The following CUL1 variants were observed in gnomAD, a reference collection of about 807,000 sequenced individuals.
CUL1 encodes cullin-1.
A neutral mutation model predicts 118.0 loss-of-function variants in CUL1; 24 were observed. The observed-to-expected ratio is 0.20, with a 90% CI of 0.15 to 0.29. The LOEUF is 0.29. Among genes scored for constraint, CUL1 ranks in the 10% least tolerant of loss-of-function variants. CUL1 has a pLI of 1.00. For missense variants in CUL1, 361 were observed against 933.8 expected, an observed-to-expected ratio of 0.39 and a Z score of 7.99; for synonymous variants, 332 against 340.4, an observed-to-expected ratio of 0.98 and a Z score of 0.27.
chr7:148,725,309 C>A (rs1466813788), intron 1 of CUL1, among the ~76,000 whole-genome samples: 2 of 152,104 alleles, frequency 1.3e-5, no homozygotes, highest in African/African-American at 4.8e-5. Context: ...TTGGAGCAGG[C>A]TGGTAGATAC....
intron 7 of CUL1, among the ~76,000 whole-genome samples, chr7:148,764,674 A>G (rs1264851257): frequency 6.6e-6 from 1 of 152,240 alleles, no homozygotes; most frequent in Non-Finnish European, 1.5e-5. Flanking sequence ...CATGTTCTAT[A>G]TTCCACCAGC....
intron 9 of CUL1, among the ~76,000 whole-genome samples, chr7:148,779,355 C>G (rs1413080147): frequency 6.6e-6 from 1 of 152,156 alleles, no homozygotes; most frequent in African/African-American, 2.4e-5. Flanking sequence ...AAGGAATTGG[C>G]AGGTGTGATT....
At chr7:148,717,711 T>C (rs1321398454) in intron 1 of CUL1, among the ~76,000 whole-genome samples, 1 of 152,214 alleles carries the variant, frequency 6.6e-6, no homozygotes, top group Non-Finnish European at 1.5e-5. Context: ...ATCAGTTTTC[T>C]GCCTCATGCT....
intron 1 of CUL1, among the ~76,000 whole-genome samples, chr7:148,722,695 C>T (rs918261598): frequency 6.6e-6 from 1 of 152,236 alleles, no homozygotes; most frequent in Admixed American, 6.5e-5. Context: ...CCTTCCTCTC[C>T]ACTCCTGAAA....
chr7:148,714,639 A>G (rs1031164380), intron 1 of CUL1, among the ~76,000 whole-genome samples: 1 of 152,318 alleles, frequency 6.6e-6, no homozygotes, highest in Non-Finnish European at 1.5e-5. Flanking sequence ...CTCTGTAGTG[A>G]TAGGTGTGGT....
At chr7:148,751,551 A>AAAAAAAAC (rs1563159023) in intron 2 of CUL1, among the ~76,000 whole-genome samples, 1 of 148,944 alleles carries the variant, frequency 6.7e-6, no homozygotes. Flanking sequence ...AAAAAAAAAA[A>AAAAAAAAC]AAACCTCTCT....
Position 148,800,240 on chromosome 7 carries a change from C to T in CUL1, c.2251-262C>T, listed in dbSNP as rs1047147769. ...AAGGGAGACTGGCCCACGGGGCTCCCGAAGCACCTGACTCCAGTTCCTAGG... is the reference window on the plus strand; with the variant it reads ...AAGGGAGACTGGCCCACGGGGCTCCTGAAGCACCTGACTCCAGTTCCTAGG... On this transcript the variant is annotated intron_variant, in intron 21 of 21. Transcript: ENST00000325222. The surrounding 1 kb of genome is among the most constrained non-coding windows in gnomAD (Gnocchi z 4.6). Among the ~76,000 whole-genome samples, 3 of 152,158 alleles carry T rather than the reference C, an allele frequency of 2.0e-5. No individual in the cohort carries two copies. Among genetic ancestry groups the T allele is most frequent in the Admixed American group, 6.6e-5 (1 of 15,266 alleles).
intron 1 of CUL1, among the ~76,000 whole-genome samples, chr7:148,699,296 A>G (rs985805004): frequency 6.6e-6 from 1 of 151,094 alleles, no homozygotes; most frequent in Admixed American, 6.6e-5. Context: ...GGCCTGGACT[A>G]CGCACTGGGA....
intron 1 of CUL1, among the ~76,000 whole-genome samples, chr7:148,700,036 T>G (rs1797671561): frequency 6.6e-6 from 1 of 152,194 alleles, no homozygotes. Context: ...TCCCCAAAGT[T>G]AGGGTTTTCT....
chr7:148,766,525 G>T (rs1800012933), intron 7 of CUL1, 36 bp from the exon 8 acceptor site: 1 of 1,545,326 alleles, frequency 6.5e-7, no homozygotes, highest in African/African-American at 1.4e-5. Flanking sequence ...CTTTACCAAT[G>T]AATCAAAACC....
At chr7:148,699,298 G>A (rs1797632368) in intron 1 of CUL1, among the ~76,000 whole-genome samples, 1 of 151,694 alleles carries the variant, frequency 6.6e-6, no homozygotes, top group African/African-American at 2.4e-5. Flanking sequence ...CCTGGACTAC[G>A]CACTGGGAAA....
At chr7:148,783,183 G>A (rs1238620672) in intron 9 of CUL1, 2 of 244,606 alleles carry the variant, frequency 8.2e-6, no homozygotes, top group Non-Finnish European at 1.3e-5. Flanking sequence ...CAGCCTTCCC[G>A]TTGCATTTCC....
At chr7:148,749,690 G>A (rs1015379836) in intron 2 of CUL1, among the ~76,000 whole-genome samples, 1 of 152,142 alleles carries the variant, frequency 6.6e-6, no homozygotes, top group Admixed American at 6.6e-5. Flanking sequence ...GTTGAGGCCA[G>A]TTGATAACCC....
chr7:148,716,522 T>C (rs961539503), intron 1 of CUL1, among the ~76,000 whole-genome samples: 11 of 152,210 alleles, frequency 7.2e-5, no homozygotes, highest in Non-Finnish European at 1.0e-4. Flanking sequence ...AATCCGCCCA[T>C]GGACCCCACT....
intron 2 of CUL1, among the ~76,000 whole-genome samples, chr7:148,735,162 CAT>C (rs1187445999): frequency 6.6e-6 from 1 of 152,212 alleles, no homozygotes; most frequent in Non-Finnish European, 1.5e-5. Context: ...TAAGTCATAA[CAT>C]AAGCACATTC....
intron 14 of CUL1, among the ~76,000 whole-genome samples, 160 bp downstream of exon 14, chr7:148,788,834 A>C (rs1800908198): frequency 2.0e-5 from 3 of 151,714 alleles, no homozygotes; most frequent in African/African-American, 7.3e-5. Flanking sequence ...TCCTCCCCCG[A>C]CTCCCGTGTG....
chr7:148,788,728 A>G (rs1800903067), intron 14 of CUL1, 54 bp downstream of exon 14: 6 of 1,141,950 alleles, frequency 5.3e-6, no homozygotes, highest in Non-Finnish European at 6.5e-6. Context: ...CTCTGTAGCA[A>G]ATGAAGAAAT....
intron 1 of CUL1, among the ~76,000 whole-genome samples, chr7:148,712,966 A>C (rs1798097428): frequency 6.6e-6 from 1 of 152,216 alleles, no homozygotes; most frequent in Non-Finnish European, 1.5e-5. Flanking sequence ...GGAAAAAAAA[A>C]TGCACTGAGT....
chr7:148,699,918 T>C (rs1005577160), intron 1 of CUL1, among the ~76,000 whole-genome samples: 4 of 151,818 alleles, frequency 2.6e-5, no homozygotes, highest in Non-Finnish European at 5.9e-5. Flanking sequence ...TCGCTTTTTT[T>C]TCCCTTAAGA....
Sources: gnomAD v4.1 joint callset for allele counts (sites outside exome capture counted in the v4.1 genomes callset) on GRCh38, gnomAD v4.1.1 for gene constraint, Gnocchi (gnomAD v3.1) non-coding constraint, MANE v1.5 for transcripts, NCBI Gene and HGNC (gene_info 2026-07-23, HGNC 2026-07-21) for gene names.